The following CRHR1 variants were observed in gnomAD, a reference collection of about 807,000 sequenced individuals.
CRHR1 encodes corticotropin releasing hormone receptor 1, also known as corticotropin-releasing hormone receptor 1.
In CRHR1, 28 loss-of-function variants were observed where a neutral mutation model predicts 56.0. The ratio of observed to expected loss-of-function variants is 0.50; its 90% CI spans 0.37 to 0.69. The LOEUF (loss-of-function observed/expected upper bound fraction) is 0.69, where lower values mean the gene tolerates loss of function less well. Ranked by LOEUF, CRHR1 falls within the 30% of genes least tolerant of loss-of-function variation. CRHR1 has a pLI of 0.00. For synonymous variants in CRHR1, 195 were observed against 216.5 expected (o/e 0.90, Z 0.87); for missense variants, 376 against 548.0 (o/e 0.69, Z 3.13).
At chr17:45,806,000 A>G (rs916232173) in intron 1 of CRHR1, among the ~76,000 whole-genome samples, 1 of 152,230 alleles carries the variant, frequency 6.6e-6, no homozygotes, top group African/African-American at 2.4e-5. Flanking sequence ...GGACTTCAAT[A>G]TACATACATC....
chr17:45,835,139 C>T lies in CRHR1; in HGVS notation c.*375C>T, dbSNP rs1028741336. 1 of 235,442 alleles carries T rather than the reference C, an allele frequency of 4.2e-6. No individual in the cohort carries two copies. Among genetic ancestry groups the T allele is most frequent in the Non-Finnish European group, 8.2e-6 (1 of 121,412 alleles). The allele number at this position is 235,442 out of a possible 1,614,324, so 14.6% of individuals were successfully genotyped here. Reference sequence around the variant, plus strand: ...GCCCACTGGGCCCTGGGGCTGCCCTCGGCAACCGTGGGGAGGCCATTTGCT... The same window carrying T: ...GCCCACTGGGCCCTGGGGCTGCCCTTGGCAACCGTGGGGAGGCCATTTGCT... On this transcript the variant is annotated 3_prime_UTR_variant, in exon 13 of 13. Transcript: ENST00000314537.
intron 10 of CRHR1, 21 bp from the exon 11 acceptor site, chr17:45,833,693 T>TGGGGGGGCGCC: frequency 1.9e-6 from 3 of 1,571,616 alleles, no homozygotes; most frequent in Non-Finnish European, 2.6e-6. Context: ...ACTCCGAGCC[T>TGGGGGGGCGCC]CCCCACCCGC....
At chr17:45,818,898 C>T (rs1598430525) in intron 3 of CRHR1, among the ~76,000 whole-genome samples, 2 of 152,168 alleles carry the variant, frequency 1.3e-5, no homozygotes, top group African/African-American at 4.8e-5. Context: ...CTGCTCAGCT[C>T]AGCAATTAAA....
In CRHR1 at chr17:45,830,582, A is replaced by G. The variant is rs2062280968; in HGVS notation, c.709+12A>G. The G allele has an allele frequency of 6.3e-7, 1 of 1,597,368 alleles. No individual in the cohort carries two copies. Among genetic ancestry groups the G allele is most frequent in the African/African-American group, 1.3e-5 (1 of 74,880 alleles). On this transcript the variant is annotated intron_variant, in intron 7 of 12. Coordinates refer to ENST00000314537, the MANE Select transcript of CRHR1 (RefSeq NM_004382.5). ...CTGCATTGGCTGGGGTGAGCTGGGCAGCCACCTCCGCAGCCTGGGCAGTGG... is the reference window on the plus strand; with the variant it reads ...CTGCATTGGCTGGGGTGAGCTGGGCGGCCACCTCCGCAGCCTGGGCAGTGG...
rs771347065 is a variant in CRHR1, at chr17:45,830,584, C to A, written c.709+14C>A. ...GCATTGGCTGGGGTGAGCTGGGCAG[C>A]CACCTCCGCAGCCTGGGCAGTGGCG... On this transcript the variant is annotated intron_variant, in intron 7 of 12. Transcript: ENST00000314537. 1 of 1,595,392 alleles carries A rather than the reference C, an allele frequency of 6.3e-7. No homozygotes were observed. Among genetic ancestry groups the A allele is most frequent in the Admixed American group, 1.7e-5 (1 of 59,156 alleles).
chr17:45,786,091 T>A (rs1385832438), intron 1 of CRHR1, among the ~76,000 whole-genome samples: 1 of 151,466 alleles, frequency 6.6e-6, no homozygotes, highest in Admixed American at 6.6e-5. Context: ...GTCTTTTAAA[T>A]GGATTCAAAG....
chr17:45,787,568 A>G (rs571795492), intron 1 of CRHR1, among the ~76,000 whole-genome samples: 1 of 152,352 alleles, frequency 6.6e-6, no homozygotes, highest in Admixed American at 6.5e-5. Flanking sequence ...TCATTTAAAA[A>G]ATAACCCCCA....
chr17:45,802,985 CG>C (rs1202963071), intron 1 of CRHR1, among the ~76,000 whole-genome samples: 1 of 152,170 alleles, frequency 6.6e-6, no homozygotes, highest in African/African-American at 2.4e-5. Context: ...GTGAGCCTCA[CG>C]GGCACAGGGT....
chr17:45,793,705 G>T (rs1334337801), intron 1 of CRHR1, among the ~76,000 whole-genome samples: 1 of 152,198 alleles, frequency 6.6e-6, no homozygotes, highest in Non-Finnish European at 1.5e-5. Context: ...GGGCAGGGGG[G>T]CCTAGGAGTG....
intron 3 of CRHR1, 59 bp from the exon 4 acceptor site, chr17:45,821,296 G>A: frequency 1.3e-6 from 2 of 1,494,106 alleles, no homozygotes; most frequent in Admixed American, 1.7e-5. Context: ...TCTGGGCCAG[G>A]ATGGTCAGGC....
rs954472909 is a variant in CRHR1, at chr17:45,815,497, A to G, written c.122-966A>G. 1.1e-4 allele frequency among the ~76,000 whole-genome samples: 16 copies of G among 152,320 alleles called. 1 individual carries two copies. The highest frequency in any genetic ancestry group is 8.5e-4 in the Admixed American group (13 of 15,302). On this transcript the variant is annotated intron_variant, in intron 2 of 12. Coordinates refer to ENST00000314537, the MANE Select transcript of CRHR1 (RefSeq NM_004382.5). Reference sequence around the variant, plus strand: ...CATCTTCTTTCTAGTTCAGATGTTTATATCTCTTTGAGTCACAGACCCCTT... The same window carrying G: ...CATCTTCTTTCTAGTTCAGATGTTTGTATCTCTTTGAGTCACAGACCCCTT...
At chr17:45,811,698 C>T (rs2061827859) in intron 2 of CRHR1, among the ~76,000 whole-genome samples, 1 of 152,202 alleles carries the variant, frequency 6.6e-6, no homozygotes, top group South Asian at 2.1e-4. Context: ...GTTGCCTCTG[C>T]TGAGAACACT....
chr17:45,798,267 T>C (rs2061556461), intron 1 of CRHR1, among the ~76,000 whole-genome samples: 1 of 152,122 alleles, frequency 6.6e-6, no homozygotes, highest in African/African-American at 2.4e-5. Context: ...GGCTCACGCC[T>C]GTAATCCCAG....
At chr17:45,792,419 T>A (rs1359027699) in intron 1 of CRHR1, among the ~76,000 whole-genome samples, 2 of 152,112 alleles carry the variant, frequency 1.3e-5, no homozygotes, top group East Asian at 3.8e-4. Context: ...AGTCCTCCCA[T>A]CCCCTTCTAG....
chr17:45,829,974 C>T, intron 5 of CRHR1, 120 bp from the exon 6 acceptor site: 1 of 1,488,554 alleles, frequency 6.7e-7, no homozygotes, highest in Non-Finnish European at 9.1e-7. Context: ...CTTGGCCAGT[C>T]AGCCCCACCC....
intron 2 of CRHR1, among the ~76,000 whole-genome samples, chr17:45,811,732 C>A (rs191221534): frequency 1.3e-5 from 2 of 152,340 alleles, no homozygotes; most frequent in East Asian, 3.9e-4. Flanking sequence ...TTCTCCCTCA[C>A]TTCCTTTAGG....
chr17:45,784,604 G>C lies in CRHR1; in HGVS notation c.33+27G>C, dbSNP rs766434767. ...TAACAGCCCGCCGGCCATCCCTCGA[G>C]CGCTGGCGCCCCCGGCCCCTGGCGG... On this transcript the variant is annotated intron_variant, in intron 1 of 12. Transcript: ENST00000314537. The surrounding 1 kb of genome is among the most constrained non-coding windows in gnomAD (Gnocchi z 4.2). 1.2e-5 allele frequency: 19 copies of C among 1,539,190 alleles called. No individual in the cohort carries two copies. Among genetic ancestry groups the C allele is most frequent in the Non-Finnish European group, 8.8e-6 (10 of 1,142,126 alleles).
At chr17:45,803,374 TTTTTATTTA>T (rs2061658071) in intron 1 of CRHR1, among the ~76,000 whole-genome samples, 1 of 152,126 alleles carries the variant, frequency 6.6e-6, no homozygotes, top group African/African-American at 2.4e-5. Context: ...TTTTCTTTCT[TTTTTATTTA>T]TTTTATTTAT....
chr17:45,789,237 G>A (rs779587879), intron 1 of CRHR1, among the ~76,000 whole-genome samples: 6 of 152,210 alleles, frequency 3.9e-5, no homozygotes, highest in Non-Finnish European at 7.3e-5. Context: ...CCAAAGAAGG[G>A]TGAGCCCATT....
Sources: gnomAD v4.1 joint callset for allele counts (sites outside exome capture counted in the v4.1 genomes callset) on GRCh38, gnomAD v4.1.1 for gene constraint, Gnocchi (gnomAD v3.1) non-coding constraint, MANE v1.5 for transcripts, NCBI Gene and HGNC (gene_info 2026-07-23, HGNC 2026-07-21) for gene names.